CDH12: variants seen among roughly 807,000 people sequenced by gnomAD.
CDH12 encodes cadherin 12, also known as cadherin-12.
A neutral mutation model predicts 74.1 loss-of-function variants in CDH12; 41 were observed. The observed-to-expected ratio is 0.55, with a 90% confidence interval of 0.43 to 0.72. The LOEUF (loss-of-function observed/expected upper bound fraction) is 0.72. Ranked by LOEUF, CDH12 falls within the 30% of genes least tolerant of loss-of-function variation. The probability of loss-of-function intolerance (pLI) is 0.00; values close to 1 mark genes in which losing one functional copy is unlikely to be tolerated. For synonymous variants in CDH12, 399 were observed against 355.0 expected (o/e 1.12, Z -1.39); for missense variants, 945 against 977.2 (o/e 0.97, Z 0.44).
intron 1 of CDH12, among the ~76,000 whole-genome samples, chr5:22,556,390 A>G (rs1435789598): frequency 1.3e-5 from 2 of 152,040 alleles, no homozygotes; most frequent in Admixed American, 6.6e-5. Context: ...ATGGATTAAT[A>G]CTCCATCTCC....
At position 22,134,641 on chromosome 5, in the gene CDH12, A is replaced by T. The variant is rs993232148; in HGVS notation, c.-186-55779T>A. 4.8e-5 allele frequency among the ~76,000 whole-genome samples: 7 copies of T among 145,966 alleles called. No homozygotes were observed. In the Admixed American group the frequency reaches 4.9e-4, roughly 10 times the overall value. Reference sequence around the variant, plus strand: ...GTCTTTTCTTCCTCTCCATTCTTACAATGTCCTGATTCTTCAGCCCAGAGC... The same window carrying T: ...GTCTTTTCTTCCTCTCCATTCTTACTATGTCCTGATTCTTCAGCCCAGAGC... On this transcript the variant is annotated intron_variant, in intron 4 of 14. Coordinates refer to ENST00000382254, the MANE Select transcript of CDH12 (RefSeq NM_004061.5).
intron 4 of CDH12, among the ~76,000 whole-genome samples, chr5:22,087,756 T>C (rs1743166093): frequency 6.6e-6 from 1 of 152,238 alleles, no homozygotes; most frequent in South Asian, 2.1e-4. Flanking sequence ...TATTTAACCA[T>C]GTGTTGAAGA....
Position 22,845,053 on chromosome 5 carries a change from T to C in CDH12, c.-523+8005A>G, listed in dbSNP as rs559624361. Reference sequence around the variant, plus strand: ...TGCTCCGGGTGTTTTATTTTAATTGTAGACAACACGGGAAATTGAGCACAT... The same window carrying C: ...TGCTCCGGGTGTTTTATTTTAATTGCAGACAACACGGGAAATTGAGCACAT... On this transcript the variant is annotated intron_variant, in intron 1 of 14. Coordinates refer to ENST00000382254, the MANE Select transcript of CDH12 (RefSeq NM_004061.5). Among the ~76,000 whole-genome samples, 262 of 152,268 alleles carry C rather than the reference T, an allele frequency of 1.7e-3. 1 individual carries two copies. Among genetic ancestry groups the C allele is most frequent in the African/African-American group, 6.1e-3 (255 of 41,570 alleles).
rs139302335 is a variant in CDH12, at chr5:22,209,340, C to T, written c.-187+3158G>A. On this transcript the variant is annotated intron_variant, in intron 4 of 14. Coordinates refer to ENST00000382254, the MANE Select transcript of CDH12 (RefSeq NM_004061.5). ...ATGTAAAGTCAGCATAGCAAATAGG[C>T]TGCTGAATATGTAAGTCTGTTTTTT... 8.7e-3 allele frequency among the ~76,000 whole-genome samples: 1,331 copies of T among 152,274 alleles called. 17 individuals are homozygous for T. Among genetic ancestry groups the T allele is most frequent in the African/African-American group, 0.03 (1,244 of 41,554 alleles).
chr5:21,907,569 TATG>T (rs769935122), intron 6 of CDH12, among the ~76,000 whole-genome samples: 11 of 152,216 alleles, frequency 7.2e-5, no homozygotes, highest in Non-Finnish European at 1.5e-4. Context: ...GAAAGTAAAA[TATG>T]ATTAGTCTGT....
chr5:22,047,598 G>A (rs1036834536), intron 5 of CDH12, among the ~76,000 whole-genome samples: 7 of 151,842 alleles, frequency 4.6e-5, no homozygotes, highest in Non-Finnish European at 2.9e-5. Context: ...CACTCTGCTA[G>A]GTAAAGGAGA....
intron 4 of CDH12, among the ~76,000 whole-genome samples, chr5:22,101,127 T>C (rs180897905): frequency 5.2e-4 from 79 of 152,258 alleles, no homozygotes; most frequent in African/African-American, 1.7e-3. Context: ...CTTATATTAA[T>C]GCCCAGAACT....
intron 10 of CDH12, among the ~76,000 whole-genome samples, chr5:21,789,892 A>T (rs910267739): frequency 1.3e-5 from 2 of 152,074 alleles, no homozygotes; most frequent in South Asian, 4.1e-4. Flanking sequence ...AGGACCTGGG[A>T]TGTTGTTTGT....
At chr5:22,566,982 A>G (rs1040911280) in intron 1 of CDH12, among the ~76,000 whole-genome samples, 1 of 152,218 alleles carries the variant, frequency 6.6e-6, no homozygotes, top group Non-Finnish European at 1.5e-5. Flanking sequence ...GGACAAACAA[A>G]TAAACGATGT....
chr5:22,796,367 A>G (rs1748209334), intron 1 of CDH12, among the ~76,000 whole-genome samples: 2 of 152,066 alleles, frequency 1.3e-5, no homozygotes. Context: ...TCTTTTTCAT[A>G]ATATCCATTC....
intron 1 of CDH12, among the ~76,000 whole-genome samples, chr5:22,622,302 T>C (rs1242988597): frequency 1.4e-5 from 2 of 147,024 alleles, no homozygotes; most frequent in Non-Finnish European, 3.0e-5. Flanking sequence ...TACTGAAAAA[T>C]AGGGACATCA....
At chr5:22,355,730 T>A (rs1473276197) in intron 3 of CDH12, among the ~76,000 whole-genome samples, 1 of 152,050 alleles carries the variant, frequency 6.6e-6, no homozygotes, top group Non-Finnish European at 1.5e-5. Flanking sequence ...TCTTGGCACC[T>A]CATGGGGCTC....
At chr5:22,084,231 C>T (rs1407240624) in intron 4 of CDH12, among the ~76,000 whole-genome samples, 3 of 152,178 alleles carry the variant, frequency 2.0e-5, no homozygotes, top group African/African-American at 7.2e-5. Context: ...TTCCAGGGAG[C>T]TCTTCCTAGT....
intron 3 of CDH12, among the ~76,000 whole-genome samples, chr5:22,319,701 T>G (rs1175194368): frequency 1.3e-5 from 2 of 152,220 alleles, no homozygotes; most frequent in Non-Finnish European, 2.9e-5. Flanking sequence ...GTAACATTTT[T>G]CTTTCATATT....
chr5:22,589,243 C>A (rs1740559829), intron 1 of CDH12, among the ~76,000 whole-genome samples: 1 of 152,150 alleles, frequency 6.6e-6, no homozygotes, highest in African/African-American at 2.4e-5. Context: ...TAACTGCTGG[C>A]CCTTCAGCCT....
At chr5:21,803,077 A>G (rs892685842) in intron 9 of CDH12, among the ~76,000 whole-genome samples, 4 of 152,146 alleles carry the variant, frequency 2.6e-5, no homozygotes, top group Admixed American at 2.0e-4. Flanking sequence ...CTTATCCAAT[A>G]CTGACATCTA....
At chr5:21,896,328 T>C (rs1420452424) in intron 6 of CDH12, among the ~76,000 whole-genome samples, 1 of 152,226 alleles carries the variant, frequency 6.6e-6, no homozygotes, top group African/African-American at 2.4e-5. Context: ...AAACATAGAT[T>C]ATTATCTTCA....
chr5:22,425,172 A>AAAATATATATATATATAT (rs1743866934), intron 2 of CDH12, among the ~76,000 whole-genome samples: 3 of 83,454 alleles, frequency 3.6e-5, no homozygotes, highest in Admixed American at 2.3e-4. Flanking sequence ...TATATATATA[A>AAAATATATATATATATAT]ATATATATAT....
intron 4 of CDH12, among the ~76,000 whole-genome samples, chr5:22,105,268 T>C (rs1744365449): frequency 6.8e-6 from 1 of 147,836 alleles, no homozygotes. Context: ...ATTTTTTTTA[T>C]ATTTTCAGTA....
Sources: gnomAD v4.1 joint callset for allele counts (sites outside exome capture counted in the v4.1 genomes callset) on GRCh38, gnomAD v4.1.1 for gene constraint, MANE v1.5 for transcripts, NCBI Gene and HGNC (gene_info 2026-07-23, HGNC 2026-07-21) for gene names.